NDST4: variants seen among roughly 807,000 people sequenced by gnomAD.
The protein encoded by NDST4 is N-heparan sulfate sulfotransferase 4.
A neutral mutation model predicts 100.8 loss-of-function variants in NDST4; 63 were observed. The ratio of observed to expected loss-of-function variants is 0.62; its 90% CI spans 0.51 to 0.77. NDST4 has a LOEUF of 0.77. NDST4 is among the 30% of genes least tolerant of loss of function. NDST4 has a pLI of 0.00. For missense variants in NDST4, 943 were observed against 1,018.4 expected, an observed-to-expected ratio of 0.93 and a Z score of 1.01; for synonymous variants, 377 against 361.8, an observed-to-expected ratio of 1.04 and a Z score of -0.48.
intron 6 of NDST4, among the ~76,000 whole-genome samples, chr4:114,912,475 G>A (rs1221203603): frequency 6.6e-6 from 1 of 152,128 alleles, no homozygotes; most frequent in Non-Finnish European, 1.5e-5. Flanking sequence ...TTGAAATGAT[G>A]CTTTCTGACG....
intron 2 of NDST4, among the ~76,000 whole-genome samples, chr4:115,055,038 G>A (rs983164023): frequency 1.3e-5 from 2 of 151,984 alleles, no homozygotes; most frequent in Non-Finnish European, 2.9e-5. Flanking sequence ...TCACCCGAGC[G>A]CCACATTCTG....
At chr4:115,052,217 G>A (rs991219343) in intron 2 of NDST4, among the ~76,000 whole-genome samples, 7 of 151,890 alleles carry the variant, frequency 4.6e-5, no homozygotes, top group African/African-American at 1.2e-4. Flanking sequence ...TTCTTTCATC[G>A]GAATTTCTTT....
rs1729178806 is a variant in NDST4, at chr4:115,076,233, T to C, written c.804A>G (p.Arg268=). Residue 268 remains arginine (R), a synonymous_variant, in exon 2 of 14, where the codon AGA becomes AGG. Coordinates refer to ENST00000264363, the MANE Select transcript of NDST4 (RefSeq NM_022569.3). ...AGTTCAAGTTGTTGCCAAAAAGTACTCTCTGAATTCCATCATGAAGCCCCA... is the reference window on the plus strand; with the variant it reads ...AGTTCAAGTTGTTGCCAAAAAGTACCCTCTGAATTCCATCATGAAGCCCCA... The part of the protein sequence containing the change: ...QDLGLHDGIQ[R]VLFGNNLNFW... The C allele has an allele frequency of 6.2e-7, 1 of 1,614,006 alleles. No individual in the cohort carries two copies. The highest frequency in any genetic ancestry group is 1.7e-5 in the Admixed American group (1 of 60,006).
intron 6 of NDST4, among the ~76,000 whole-genome samples, chr4:114,930,105 C>T (rs1267805871): frequency 1.3e-5 from 2 of 152,166 alleles, no homozygotes; most frequent in African/African-American, 4.8e-5. Flanking sequence ...CTTTCATTAA[C>T]ATTTACATCT....
At chr4:114,855,260 C>G (rs970279475) in intron 7 of NDST4, among the ~76,000 whole-genome samples, 3 of 151,940 alleles carry the variant, frequency 2.0e-5, no homozygotes, top group African/African-American at 7.2e-5. Flanking sequence ...GTTTCCTTTG[C>G]TGTGCAGCCT....
intron 10 of NDST4, among the ~76,000 whole-genome samples, chr4:114,844,609 A>G (rs1483446251): frequency 6.6e-6 from 1 of 152,214 alleles, no homozygotes; most frequent in Non-Finnish European, 1.5e-5. Context: ...GAACCTTTAC[A>G]TACTTCCTCA....
At chr4:114,895,343 AATACT>A (rs1355080430) in intron 6 of NDST4, among the ~76,000 whole-genome samples, 2 of 152,226 alleles carry the variant, frequency 1.3e-5, no homozygotes, top group African/African-American at 4.8e-5. Context: ...ACCATCAGAG[AATACT>A]ATAAACACAT....
At chr4:115,104,290 T>C (rs1289357111) in intron 1 of NDST4, among the ~76,000 whole-genome samples, 2 of 152,020 alleles carry the variant, frequency 1.3e-5, no homozygotes, top group African/African-American at 2.4e-5. Context: ...TTTACCAAAC[T>C]GCTTTTTTGG....
At chr4:114,951,590 A>G (rs1200414171) in intron 4 of NDST4, among the ~76,000 whole-genome samples, 1 of 152,176 alleles carries the variant, frequency 6.6e-6, no homozygotes, top group Non-Finnish European at 1.5e-5. Context: ...AAACATGTAC[A>G]CACAATATCC....
At chr4:114,974,281 G>C (rs1202030634) in intron 3 of NDST4, among the ~76,000 whole-genome samples, 1 of 148,010 alleles carries the variant, frequency 6.8e-6, no homozygotes, top group Non-Finnish European at 1.5e-5. Flanking sequence ...AGCAACATAT[G>C]CAAAAAACAA....
At chr4:114,957,515 C>T (rs1660856564) in intron 4 of NDST4, among the ~76,000 whole-genome samples, 1 of 152,182 alleles carries the variant, frequency 6.6e-6, no homozygotes, top group South Asian at 2.1e-4. Flanking sequence ...GGTGGTGACA[C>T]AGCCAAACCA....
At chr4:114,995,077 C>T (rs1280974899) in intron 2 of NDST4, among the ~76,000 whole-genome samples, 1 of 152,052 alleles carries the variant, frequency 6.6e-6, no homozygotes, top group African/African-American at 2.4e-5. Flanking sequence ...ATTCTCACAA[C>T]TTTTCCTCTA....
At chr4:114,871,014 A>T in intron 6 of NDST4, 64 bp from the exon 7 acceptor site, 1 of 1,218,596 alleles carries the variant, frequency 8.2e-7, no homozygotes, top group African/African-American at 1.6e-5. Context: ...TAGCAGTACA[A>T]GCCCCAGGCA....
chr4:114,909,433 G>T (rs1725017830), intron 6 of NDST4, among the ~76,000 whole-genome samples: 1 of 151,650 alleles, frequency 6.6e-6, no homozygotes, highest in Non-Finnish European at 1.5e-5. Flanking sequence ...GGCCGAGGCG[G>T]GTGGATCATG....
At chr4:114,956,763 C>T (rs1330361678) in intron 4 of NDST4, among the ~76,000 whole-genome samples, 1 of 152,118 alleles carries the variant, frequency 6.6e-6, no homozygotes, top group Non-Finnish European at 1.5e-5. Context: ...GAAAGAGTCA[C>T]TTAAATTATC....
chr4:115,080,137 C>T (rs1729270745), intron 1 of NDST4, among the ~76,000 whole-genome samples: 1 of 151,862 alleles, frequency 6.6e-6, no homozygotes, highest in African/African-American at 2.4e-5. Flanking sequence ...TTATTTGTTT[C>T]ATTTATTTAT....
chr4:114,838,397 T>C (rs1181964158), intron 11 of NDST4, among the ~76,000 whole-genome samples: 1 of 152,144 alleles, frequency 6.6e-6, no homozygotes, highest in Non-Finnish European at 1.5e-5. Context: ...CTATTCACAA[T>C]AGCAAAGACT....
intron 6 of NDST4, among the ~76,000 whole-genome samples, chr4:114,928,179 C>T (rs1725423727): frequency 6.6e-6 from 1 of 152,142 alleles, no homozygotes; most frequent in Non-Finnish European, 1.5e-5. Flanking sequence ...ATATTCTTTA[C>T]TCTGACAAAG....
Position 114,838,508 on chromosome 4 carries a change from G to A in NDST4, c.2286+870C>T, listed in dbSNP as rs185904740. Reference sequence around the variant, plus strand: ...CAGCTATAAAAAAGGATGAGTTCATGTCCTTTGTAGGGACATGGATGAAGC... The same window carrying A: ...CAGCTATAAAAAAGGATGAGTTCATATCCTTTGTAGGGACATGGATGAAGC... On this transcript the variant is annotated intron_variant, in intron 11 of 13. Transcript: ENST00000264363. 4.6e-5 allele frequency among the ~76,000 whole-genome samples: 7 copies of A among 152,284 alleles called. No individual in the cohort carries two copies. The East Asian group carries it at 1.4e-3, about 29-fold the overall frequency.
Sources: gnomAD v4.1 joint callset for allele counts (sites outside exome capture counted in the v4.1 genomes callset) on GRCh38, gnomAD v4.1.1 for gene constraint, MANE v1.5 for transcripts, NCBI Gene and HGNC (gene_info 2026-07-23, HGNC 2026-07-21) for gene names.